MPZL1: variants seen among roughly 807,000 people sequenced by gnomAD.
The protein encoded by MPZL1 is myelin protein zero-like protein 1.
MPZL1 carries 16 observed loss-of-function variants against 29.3 expected under a neutral mutation model. The observed-to-expected ratio is 0.55, with a 90% CI of 0.37 to 0.83. MPZL1 has a LOEUF of 0.83. Ranked by LOEUF, MPZL1 falls within the 40% of genes least tolerant of loss-of-function variation. The pLI, the probability that MPZL1 is intolerant of heterozygous loss-of-function variation, is 0.00. For synonymous variants in MPZL1, 143 were observed against 132.0 expected (o/e 1.08, Z -0.57); for missense variants, 279 against 332.9 (o/e 0.84, Z 1.26).
intron 4 of MPZL1, among the ~76,000 whole-genome samples, chr1:167,774,247 C>CA (rs1283123823): frequency 2.0e-5 from 3 of 152,212 alleles, no homozygotes; most frequent in Non-Finnish European, 4.4e-5. Context: ...ATGTAGAACT[C>CA]ATGTGGTAAG....
At chr1:167,783,267 G>C (rs1344640963) in intron 5 of MPZL1, among the ~76,000 whole-genome samples, 1 of 152,174 alleles carries the variant, frequency 6.6e-6, no homozygotes, top group African/African-American at 2.4e-5. Context: ...TGGGAGGCTG[G>C]GTTGGGAAGG....
chr1:167,760,789 GT>G (rs1660971370), intron 1 of MPZL1, among the ~76,000 whole-genome samples: 1 of 148,276 alleles, frequency 6.7e-6, no homozygotes. Flanking sequence ...GTGTGTGTGT[GT>G]GTGTACAGGT....
intron 5 of MPZL1, among the ~76,000 whole-genome samples, chr1:167,785,162 G>C (rs1300933590): frequency 2.0e-5 from 3 of 152,186 alleles, no homozygotes; most frequent in Admixed American, 6.5e-5. Context: ...GCAGATTCTG[G>C]TCTGGATGAG....
rs78657270 is a variant in MPZL1, at chr1:167,737,418, G to A, written c.91+15176G>A. ...CTCAGGGCCAGGATGAGGCTGGGGA[G>A]GGAACTGGGCCAAGATCAGGAAGGG... is the stretch of plus-strand genomic sequence containing the variant. On this transcript the variant is annotated intron_variant, in intron 1 of 5. Coordinates refer to ENST00000359523, the MANE Select transcript of MPZL1 (RefSeq NM_003953.6). 2.4e-3 allele frequency among the ~76,000 whole-genome samples: 361 copies of A among 152,290 alleles called. 1 individual carries two copies. The highest frequency in any genetic ancestry group is 8.5e-3 in the African/African-American group (354 of 41,536).
chr1:167,741,173 C>A (rs1382323513), intron 1 of MPZL1, among the ~76,000 whole-genome samples: 1 of 150,340 alleles, frequency 6.7e-6, no homozygotes, highest in Non-Finnish European at 1.5e-5. Context: ...TGTGCCACCA[C>A]GCCTGGCTAA....
rs139012766 is a variant in MPZL1, at chr1:167,791,454, T to A, written c.*3533T>A. ...GACATGAATGGAAGTAACTAGTAGT[T>A]ACCAAATACTTGGTGTGAGCCAGGC... On this transcript the variant is annotated 3_prime_UTR_variant, in exon 6 of 6. Coordinates refer to ENST00000359523, the MANE Select transcript of MPZL1 (RefSeq NM_003953.6). 2.2e-4 allele frequency: 33 copies of A among 152,404 alleles called. No homozygotes were observed. Among genetic ancestry groups the A allele is most frequent in the African/African-American group, 7.2e-4 (30 of 41,596 alleles). 9.4% of individuals were successfully genotyped at this position (152,404 alleles called of 1,614,324 possible).
At chr1:167,745,041 A>G (rs1165845196) in intron 1 of MPZL1, among the ~76,000 whole-genome samples, 1 of 152,130 alleles carries the variant, frequency 6.6e-6, no homozygotes, top group Non-Finnish European at 1.5e-5. Context: ...AGAGCAGGGC[A>G]GGCTTCCCAT....
chr1:167,731,584 C>T (rs1163022724), intron 1 of MPZL1, among the ~76,000 whole-genome samples: 2 of 151,834 alleles, frequency 1.3e-5, no homozygotes, highest in Non-Finnish European at 2.9e-5. Context: ...CTACAGGCAG[C>T]CGCCACCACA....
intron 1 of MPZL1, among the ~76,000 whole-genome samples, chr1:167,743,417 A>T (rs993547644): frequency 6.6e-6 from 1 of 151,962 alleles, no homozygotes; most frequent in Admixed American, 6.6e-5. Flanking sequence ...CATGTTAGCC[A>T]GGCTGGTCTC....
chr1:167,743,839 T>C (rs746297401), intron 1 of MPZL1, among the ~76,000 whole-genome samples: 8 of 152,154 alleles, frequency 5.3e-5, no homozygotes, highest in Middle Eastern at 3.4e-3. Context: ...GTAAACAGTC[T>C]TATCATCAGC....
chr1:167,729,810 A>G (rs1172244198), intron 1 of MPZL1, among the ~76,000 whole-genome samples: 1 of 152,196 alleles, frequency 6.6e-6, no homozygotes, highest in Non-Finnish European at 1.5e-5. Flanking sequence ...CGCCTTTGCT[A>G]AACGATTTAC....
chr1:167,761,655 A>T (rs189526456), intron 1 of MPZL1, among the ~76,000 whole-genome samples: 77 of 152,318 alleles, frequency 5.1e-4, no homozygotes, highest in African/African-American at 1.8e-3. Context: ...TGGAAAGCAG[A>T]TGGATTAGGG....
chr1:167,736,386 G>A (rs1185925796), intron 1 of MPZL1, among the ~76,000 whole-genome samples: 1 of 152,154 alleles, frequency 6.6e-6, no homozygotes, highest in Non-Finnish European at 1.5e-5. Flanking sequence ...CTGAACTGCA[G>A]AATCTTACCA....
intron 1 of MPZL1, among the ~76,000 whole-genome samples, chr1:167,738,549 T>A (rs1660430546): frequency 6.6e-6 from 1 of 152,166 alleles, no homozygotes; most frequent in Admixed American, 6.6e-5. Flanking sequence ...TGAATTGTAA[T>A]CCCCAGTGTT....
Position 167,740,953 on chromosome 1 carries a change from C to A in MPZL1, c.91+18711C>A, listed in dbSNP as rs150179049. The stretch of plus-strand genomic sequence containing the variant: ...AGTCCTGTATGTCATCCCTTTCTCT[C>A]ACCATCTCCTTGCCTCTAGTCTAGG... On this transcript the variant is annotated intron_variant, in intron 1 of 5. Coordinates refer to ENST00000359523, the MANE Select transcript of MPZL1 (RefSeq NM_003953.6). Among the ~76,000 whole-genome samples, 57 of 152,324 alleles carry A rather than the reference C, an allele frequency of 3.7e-4. No individual in the cohort carries two copies. In the East Asian group the frequency reaches 7.1e-3, roughly 19 times the overall value.
intron 1 of MPZL1, among the ~76,000 whole-genome samples, chr1:167,722,962 C>T (rs1468031291): frequency 6.6e-6 from 1 of 152,054 alleles, no homozygotes; most frequent in Non-Finnish European, 1.5e-5. Context: ...CATTAAAAAG[C>T]ATAATTTTCC....
chr1:167,779,597 A>G (rs1661448917), intron 5 of MPZL1, among the ~76,000 whole-genome samples: 3 of 152,210 alleles, frequency 2.0e-5, no homozygotes, highest in African/African-American at 7.2e-5. Context: ...AAAAAAAAAA[A>G]TTGACTCTTT....
intron 2 of MPZL1, among the ~76,000 whole-genome samples, chr1:167,770,363 C>T (rs538432147): frequency 1.8e-4 from 28 of 152,352 alleles, no homozygotes; most frequent in Non-Finnish European, 3.7e-4. Context: ...GATCCCCTCC[C>T]ACTGGGCCTT....
intron 4 of MPZL1, among the ~76,000 whole-genome samples, chr1:167,775,224 A>T (rs1571168411): frequency 1.3e-5 from 2 of 152,248 alleles, no homozygotes; most frequent in East Asian, 3.8e-4. Context: ...CCCATTTCAC[A>T]GAAGGAACAG....
Sources: allele counts gnomAD v4.1 joint callset (sites outside exome capture counted in the v4.1 genomes callset), GRCh38; gene constraint gnomAD v4.1.1; transcripts MANE v1.5; gene names NCBI Gene and HGNC (gene_info 2026-07-23, HGNC 2026-07-21).